The following MYO1E variants were observed in gnomAD, a reference collection of about 807,000 sequenced individuals.
The protein encoded by MYO1E is myosin IE.
A neutral mutation model predicts 151.1 loss-of-function variants in MYO1E; 68 were observed. That is an observed-to-expected ratio of 0.45 (90% confidence interval 0.37 to 0.55). The LOEUF is 0.55. MYO1E is among the 20% of genes least tolerant of loss of function. The probability of loss-of-function intolerance (pLI) is 0.00; values close to 1 mark genes in which losing one functional copy is unlikely to be tolerated. For missense variants in MYO1E, 1,363 were observed against 1,389.3 expected (o/e 0.98, Z 0.30); for synonymous variants, 601 against 501.7 (o/e 1.20, Z -2.64).
intron 26 of MYO1E, among the ~76,000 whole-genome samples, chr15:59,141,795 CT>C: frequency 1.0e-5 from 1 of 96,962 alleles, no homozygotes; most frequent in African/African-American, 4.6e-5. Flanking sequence ...AAGACTTTGT[CT>C]CAAAAAAAAA....
intron 1 of MYO1E, among the ~76,000 whole-genome samples, chr15:59,317,411 T>A (rs147427168): frequency 6.6e-6 from 1 of 152,336 alleles, no homozygotes; most frequent in East Asian, 1.9e-4. Context: ...ACATGTAGGA[T>A]GCTTAGGGTA....
chr15:59,149,331 C>T (rs1170121521), intron 26 of MYO1E, among the ~76,000 whole-genome samples: 1 of 152,170 alleles, frequency 6.6e-6, no homozygotes, highest in East Asian at 1.9e-4. Flanking sequence ...GCTGGGATTA[C>T]AGGCGTGAGC....
intron 16 of MYO1E, among the ~76,000 whole-genome samples, chr15:59,198,024 G>C (rs2079778533): frequency 6.6e-6 from 1 of 152,160 alleles, no homozygotes; most frequent in South Asian, 2.1e-4. Flanking sequence ...ACCACACCCA[G>C]CTAATTTTTG....
intron 3 of MYO1E, among the ~76,000 whole-genome samples, chr15:59,259,800 T>C (rs1047969646): frequency 5.9e-5 from 9 of 152,196 alleles, no homozygotes; most frequent in South Asian, 2.1e-4. Context: ...GACAAAACTA[T>C]AGAGTGGGCA....
chr15:59,209,032 A>T (rs1054785893), intron 13 of MYO1E, 184 bp from the exon 14 acceptor site: 8 of 716,396 alleles, frequency 1.1e-5, no homozygotes, highest in Non-Finnish European at 1.9e-5. Context: ...ACTTAGATCT[A>T]AAGAGGGAGG....
chr15:59,368,224 C>G lies in MYO1E; in HGVS notation c.3+4274G>C, dbSNP rs1307465554. Among the ~76,000 whole-genome samples the G allele has an allele frequency of 2.6e-5, 4 of 152,186 alleles. No homozygotes were observed. In the East Asian group the frequency reaches 7.7e-4, roughly 29 times the overall value. ...GGTAATATGGTCGATATAACCATGG[C>G]CTAGAATCAAGTAGTGGTGCCTCCT... On this transcript the variant is annotated intron_variant, in intron 1 of 27. Coordinates refer to ENST00000288235, the MANE Select transcript of MYO1E (RefSeq NM_004998.4).
At chr15:59,207,406 CTTAA>C in intron 14 of MYO1E, 2 of 1,614,042 alleles carry the variant, frequency 1.2e-6, no homozygotes, top group Non-Finnish European at 1.7e-6. Context: ...AGAAACGCGC[CTTAA>C]TTTAGTCCAG....
chr15:59,246,796 T>C (rs1426599318), intron 4 of MYO1E, among the ~76,000 whole-genome samples: 4 of 152,198 alleles, frequency 2.6e-5, no homozygotes, highest in Non-Finnish European at 4.4e-5. Flanking sequence ...TGCCCAGGTA[T>C]GGCCATTTGG....
At chr15:59,207,976 G>A in intron 14 of MYO1E, 1 of 1,614,098 alleles carries the variant, frequency 6.2e-7, no homozygotes, top group Non-Finnish European at 8.5e-7. Context: ...TATCCTGGGA[G>A]AGAACGGTAT....
At chr15:59,190,930 G>GC (rs2079729154) in intron 17 of MYO1E, among the ~76,000 whole-genome samples, 1 of 152,130 alleles carries the variant, frequency 6.6e-6, no homozygotes, top group African/African-American at 2.4e-5. Flanking sequence ...ACAGGACAAG[G>GC]CAGAGGGCTG....
intron 1 of MYO1E, among the ~76,000 whole-genome samples, chr15:59,352,785 C>A (rs1437281348): frequency 6.6e-6 from 1 of 152,302 alleles, no homozygotes; most frequent in African/African-American, 2.4e-5. Flanking sequence ...CCCAGCCCCC[C>A]TCAAAGGCTC....
intron 1 of MYO1E, among the ~76,000 whole-genome samples, chr15:59,346,740 C>T (rs1224383712): frequency 6.6e-6 from 1 of 151,912 alleles, no homozygotes; most frequent in Non-Finnish European, 1.5e-5. Flanking sequence ...ATGGCAAAAC[C>T]TTATCTCTAC....
chr15:59,250,277 C>T (rs1340401238), intron 4 of MYO1E, among the ~76,000 whole-genome samples: 1 of 152,162 alleles, frequency 6.6e-6, no homozygotes, highest in Non-Finnish European at 1.5e-5. Context: ...TGACCTCCAA[C>T]TGGAAACTAA....
chr15:59,218,241 T>G (rs1211971916), intron 9 of MYO1E, 154 bp from the exon 10 acceptor site: 1 of 824,610 alleles, frequency 1.2e-6, no homozygotes, highest in African/African-American at 1.7e-5. Flanking sequence ...TAGTGAAGGC[T>G]GCTTATCAGT....
chr15:59,148,336 A>C (rs2079454417), intron 26 of MYO1E, among the ~76,000 whole-genome samples: 1 of 152,138 alleles, frequency 6.6e-6, no homozygotes, highest in Non-Finnish European at 1.5e-5. Context: ...TCTAAATGCC[A>C]CCTTTTGTGA....
chr15:59,314,992 C>T (rs1402975404), intron 1 of MYO1E, among the ~76,000 whole-genome samples: 9 of 152,002 alleles, frequency 5.9e-5, no homozygotes, highest in African/African-American at 2.2e-4. Flanking sequence ...CCATGAGTAA[C>T]CTTTTGATTT....
intron 1 of MYO1E, among the ~76,000 whole-genome samples, chr15:59,317,029 T>C (rs1203907720): frequency 4.6e-5 from 7 of 152,206 alleles, no homozygotes; most frequent in Non-Finnish European, 1.0e-4. Flanking sequence ...TTGCTAGGAA[T>C]AGCTTCCTCC....
At position 59,154,439 on chromosome 15, in the gene MYO1E, A is replaced by C. The variant is rs148333474; in HGVS notation, c.2879-648T>G. On this transcript the variant is annotated intron_variant, in intron 25 of 27. Coordinates refer to ENST00000288235, the MANE Select transcript of MYO1E (RefSeq NM_004998.4). ...CATTAGCCAATAAGTAATGGGTTAC[A>C]GTGGCAGGCTCCAAACCATGCGTCT... Among the ~76,000 whole-genome samples, 505 of 152,384 alleles carry C rather than the reference A, an allele frequency of 3.3e-3. 8 individuals carry two copies. Among genetic ancestry groups the C allele is most frequent in the Non-Finnish European group, 4.2e-3 (284 of 68,044 alleles).
chr15:59,196,566 C>T (rs1242224159), intron 16 of MYO1E, among the ~76,000 whole-genome samples: 1 of 152,202 alleles, frequency 6.6e-6, no homozygotes, highest in South Asian at 2.1e-4. Flanking sequence ...GATTTGCTTG[C>T]AAGACACAAC....
Sources: allele counts gnomAD v4.1 joint callset (sites outside exome capture counted in the v4.1 genomes callset), GRCh38; gene constraint gnomAD v4.1.1; transcripts MANE v1.5; gene names NCBI Gene and HGNC (gene_info 2026-07-23, HGNC 2026-07-21).